SEMA4B: variants seen among roughly 807,000 people sequenced by gnomAD.
SEMA4B encodes the protein semaphorin 4B, also known as semaphorin-4B.
Under a neutral mutation model 88.1 loss-of-function variants are expected in SEMA4B, and 55 were observed. That is an observed-to-expected ratio of 0.62 (90% CI 0.50 to 0.78). SEMA4B has a LOEUF of 0.78. Ranked by LOEUF, SEMA4B falls within the 30% of genes least tolerant of loss-of-function variation. The pLI, the probability that SEMA4B is intolerant of heterozygous loss-of-function variation, is 0.00. For missense variants in SEMA4B, 1,062 were observed against 1,111.9 expected (o/e 0.96, Z 0.64); for synonymous variants, 525 against 473.6 (o/e 1.11, Z -1.41).
chr15:90,213,918 G>A (rs1274560028), intron 1 of SEMA4B, among the ~76,000 whole-genome samples: 1 of 152,236 alleles, frequency 6.6e-6, no homozygotes, highest in East Asian at 1.9e-4. Flanking sequence ...TTGAGACGAT[G>A]TCTCTGCTGC....
At chr15:90,220,793 T>C (rs1473783326) in intron 4 of SEMA4B, among the ~76,000 whole-genome samples, 189 bp from the exon 5 acceptor site, 3 of 149,500 alleles carry the variant, frequency 2.0e-5, no homozygotes, top group Non-Finnish European at 4.5e-5. Flanking sequence ...AGGCCGACTG[T>C]CCAGGTTCAA....
At chr15:90,224,762 C>T (rs1373882511) in intron 9 of SEMA4B, among the ~76,000 whole-genome samples, 2 of 152,104 alleles carry the variant, frequency 1.3e-5, no homozygotes, top group Non-Finnish European at 2.9e-5. Context: ...GCAAGGAAGC[C>T]CTCCAAGCAC....
chr15:90,211,884 G>A (rs1961284896), intron 1 of SEMA4B, among the ~76,000 whole-genome samples: 2 of 152,176 alleles, frequency 1.3e-5, no homozygotes, highest in African/African-American at 4.8e-5. Flanking sequence ...TGTAGAGGGT[G>A]GGATGTTAGG....
Position 90,225,049 on chromosome 15 carries a change from C to G in SEMA4B, c.1276C>G (p.His426Asp). The change falls in exon 10 of 14, where the codon CAC becomes GAC. Residue 426 changes from histidine to aspartate, a missense_variant. Coordinates refer to ENST00000411539, the MANE Select transcript of SEMA4B (RefSeq NM_198925.4). ...CCGCGTGCTGAACTTCCTCAAGGAC[C>G]ACTTCCTGATGGACGGGCAGGTCCG... ...PDRVLNFLKD[H>D]FLMDGQVRSR... 1.2e-6 allele frequency: 2 copies of G among 1,613,918 alleles called. No homozygotes were observed. The highest frequency in any genetic ancestry group is 1.7e-6 in the Non-Finnish European group (2 of 1,179,830).
Position 90,189,658 on chromosome 15 carries a change from A to G in SEMA4B, c.-122+4577A>G, listed in dbSNP as rs79704842. Among the ~76,000 whole-genome samples, 30 of 152,166 alleles carry G rather than the reference A, an allele frequency of 2.0e-4. No homozygotes were observed. In the East Asian group the frequency reaches 5.6e-3, roughly 28 times the overall value. ...CTGAGGTATAATTTCTTTTTTTCTG[A>G]TAAAGGCTAATTTTGAAAGTTCCTT... is the stretch of plus-strand genomic sequence containing the variant. On this transcript the variant is annotated intron_variant, in intron 1 of 14. Coordinates refer to the SEMA4B transcript ENST00000332496.
chr15:90,226,648 CATATATTTT>C (rs1962187466), intron 12 of SEMA4B, among the ~76,000 whole-genome samples: 1 of 152,130 alleles, frequency 6.6e-6, no homozygotes, highest in South Asian at 2.1e-4. Flanking sequence ...GCCAAACATT[CATATATTTT>C]ATATAACATT....
Position 90,221,442 on chromosome 15 carries a change from G to A in SEMA4B, c.671G>A (p.Arg224His), listed in dbSNP as rs750254082. ...DPAISRSQSL[R>H]PTKTESSLNW... is the part of the protein sequence containing the mutation. ...GCCATCTCGCGGAGCCAAAGCCTTC[G>A]CCCCACCAAGACCGAGAGCTCCCTC... Residue 224 changes from arginine (R) to histidine (H), a missense_variant, in exon 6 of 14, where the codon CGC (arginine) becomes CAC (histidine). Coordinates refer to ENST00000411539, the MANE Select transcript of SEMA4B (RefSeq NM_198925.4). 6.3e-6 allele frequency: 10 copies of A among 1,588,388 alleles called. No homozygotes were observed. Among genetic ancestry groups the A allele is most frequent in the South Asian group, 4.6e-5 (4 of 87,494 alleles).
upstream of SEMA4B, among the ~76,000 whole-genome samples, chr15:90,199,153 C>A (rs12903974): frequency 6.6e-6 from 1 of 152,086 alleles, no homozygotes; most frequent in Non-Finnish European, 1.5e-5. Context: ...GGATTACAGG[C>A]GTGAGCCACC....
intron 1 of SEMA4B, among the ~76,000 whole-genome samples, chr15:90,188,589 C>T (rs1179977566): frequency 1.3e-5 from 2 of 151,964 alleles, no homozygotes; most frequent in South Asian, 4.2e-4. Flanking sequence ...GATCGCACCA[C>T]TGCACTCCAG....
chr15:90,188,780 G>A (rs1379087111), intron 1 of SEMA4B, among the ~76,000 whole-genome samples: 1 of 151,900 alleles, frequency 6.6e-6, no homozygotes, highest in East Asian at 2.0e-4. Context: ...CCATTCTTCT[G>A]CCTCAGCCTC....
chr15:90,227,690 G>A (rs767307543), intron 13 of SEMA4B, 48 bp downstream of exon 13: 14 of 1,587,270 alleles, frequency 8.8e-6, no homozygotes, highest in Non-Finnish European at 1.2e-5. Flanking sequence ...GGACAAGTGT[G>A]CTTGGAAGGC....
Position 90,228,919 on chromosome 15 carries a change from G to C in SEMA4B, c.*276G>C, listed in dbSNP as rs1962354481. The C allele has an allele frequency of 3.6e-6, 2 of 551,380 alleles. No individual in the cohort carries two copies. Among genetic ancestry groups the C allele is most frequent in the Middle Eastern group, 2.9e-4 (1 of 3,494 alleles). 34.2% of individuals were successfully genotyped at this position (551,380 alleles called of 1,614,324 possible). A position where few individuals can be genotyped will look rare whatever the true frequency, so the allele number is the denominator to read the frequency against. ...GCTCCTTATGTAAACTGAGCCCTTT[G>C]TTTAAAAAACAATTCCAAATGTGAA... On this transcript the variant is annotated 3_prime_UTR_variant, in exon 14 of 14. Transcript: ENST00000411539.
intron 1 of SEMA4B, among the ~76,000 whole-genome samples, chr15:90,194,670 G>A (rs1461900018): frequency 6.6e-6 from 1 of 152,046 alleles, no homozygotes; most frequent in East Asian, 1.9e-4. Flanking sequence ...CAAAGTGCTG[G>A]GATTATAGGT....
At chr15:90,198,512 G>C (rs941462525), upstream of SEMA4B, among the ~76,000 whole-genome samples, 1 of 152,164 alleles carries the variant, frequency 6.6e-6, no homozygotes, top group Non-Finnish European at 1.5e-5. Flanking sequence ...AGTGATGAGT[G>C]CTCTGAAAAA....
At position 90,201,359 on chromosome 15, in the gene SEMA4B, G is replaced by A; in HGVS notation, c.-220G>A. The A allele has an allele frequency of 8.0e-7, 1 of 1,247,100 alleles. No homozygotes were observed. Among genetic ancestry groups the A allele is most frequent in the Non-Finnish European group, 1.0e-6 (1 of 995,612 alleles). The allele number at this position is 1,247,100 out of a possible 1,614,324, so 77.3% of individuals were successfully genotyped here. A position where few individuals can be genotyped will look rare whatever the true frequency, so the allele number is the denominator to read the frequency against. Reference sequence around the variant, plus strand: ...GCGGGTGAGCTCTGCCCAAGCCGAGGCTGCGGGGCCGGCGCCGGCGGGAGG... The same window carrying A: ...GCGGGTGAGCTCTGCCCAAGCCGAGACTGCGGGGCCGGCGCCGGCGGGAGG... On this transcript the variant is annotated 5_prime_UTR_variant, in exon 1 of 14. Coordinates refer to ENST00000411539, the MANE Select transcript of SEMA4B (RefSeq NM_198925.4).
rs1319941891 is a variant in SEMA4B at position 90,229,142 on chromosome 15, C to T, written c.*499C>T. 1 of 367,828 alleles carries T rather than the reference C, an allele frequency of 2.7e-6. No homozygotes were observed. The highest frequency in any genetic ancestry group is 5.4e-6 in the Non-Finnish European group (1 of 183,930). 22.8% of individuals were successfully genotyped at this position (367,828 alleles called of 1,614,324 possible). A position where few individuals can be genotyped will look rare whatever the true frequency, so the allele number is the denominator to read the frequency against. Reference sequence around the variant, plus strand: ...TGTCTCACTGCAGATTCAGGACCAGCTTGGGCTGCGTGCGTTCTGCCTTGC... The same window carrying T: ...TGTCTCACTGCAGATTCAGGACCAGTTTGGGCTGCGTGCGTTCTGCCTTGC... On this transcript the variant is annotated 3_prime_UTR_variant, in exon 14 of 14. Transcript: ENST00000411539.
upstream of SEMA4B, among the ~76,000 whole-genome samples, chr15:90,199,112 G>A (rs1960610979): frequency 6.6e-6 from 1 of 152,104 alleles, no homozygotes; most frequent in Admixed American, 6.6e-5. Context: ...GACCTCAAGT[G>A]ATCTGCCCGC....
intron 11 of SEMA4B, 115 bp downstream of exon 11, chr15:90,225,512 G>T (rs1224207006): frequency 6.2e-6 from 8 of 1,297,622 alleles, no homozygotes; most frequent in Non-Finnish European, 8.6e-6. Context: ...AAAGATAAAG[G>T]ATCCAGTCAT....
intron 1 of SEMA4B, chr15:90,207,005 C>A: frequency 2.2e-6 from 1 of 462,896 alleles, no homozygotes; most frequent in Non-Finnish European, 4.0e-6. Context: ...ACAAAAAAAG[C>A]CTGGTGCCCA....
Sources: allele counts gnomAD v4.1 joint callset (sites outside exome capture counted in the v4.1 genomes callset), GRCh38; gene constraint gnomAD v4.1.1; transcripts MANE v1.5; gene names NCBI Gene and HGNC (gene_info 2026-07-23, HGNC 2026-07-21).